The following TTC21B variants were observed in gnomAD, a reference collection of about 807,000 sequenced individuals.
The protein encoded by TTC21B is tetratricopeptide repeat protein 21B.
A neutral mutation model predicts 175.1 loss-of-function variants in TTC21B; 127 were observed. That is an observed-to-expected ratio of 0.73 (90% CI 0.63 to 0.84). The LOEUF (loss-of-function observed/expected upper bound fraction) is 0.84, where lower values mean the gene tolerates loss of function less well. Among genes scored for constraint, TTC21B ranks in the 40% least tolerant of loss-of-function variants. The pLI, the probability that TTC21B is intolerant of heterozygous loss-of-function variation, is 0.00. For synonymous variants in TTC21B, 524 were observed against 524.5 expected (o/e 1.00, Z 0.01); for missense variants, 1,561 against 1,558.3 (o/e 1.00, Z -0.03).
chr2:165,937,302 C>T lies in TTC21B; in HGVS notation c.710+3725G>A, dbSNP rs139533617. 2.0e-3 allele frequency among the ~76,000 whole-genome samples: 308 copies of T among 152,034 alleles called. 1 individual carries two copies. Among genetic ancestry groups the T allele is most frequent in the African/African-American group, 7.2e-3 (301 of 41,534 alleles). ...GTTGGGGAGATGGAGGGATATATAGCGGATACACAATAAAGATAATTTTTA... is the reference window on the plus strand; with the variant it reads ...GTTGGGGAGATGGAGGGATATATAGTGGATACACAATAAAGATAATTTTTA... On this transcript the variant is annotated intron_variant, in intron 6 of 28. Transcript: ENST00000243344.
intron 22 of TTC21B, among the ~76,000 whole-genome samples, chr2:165,898,044 G>A (rs1185322995): frequency 2.0e-5 from 3 of 152,180 alleles, no homozygotes; most frequent in African/African-American, 7.2e-5. Context: ...ATCCTTCACA[G>A]AAAATTTGTT....
intron 6 of TTC21B, among the ~76,000 whole-genome samples, chr2:165,934,261 T>C (rs190488218): frequency 5.9e-4 from 90 of 151,838 alleles, no homozygotes; most frequent in African/African-American, 2.1e-3. Flanking sequence ...ATTTTGTAAA[T>C]TGATTATGAC....
At chr2:165,916,444 ACTTT>A (rs994503088) in intron 14 of TTC21B, among the ~76,000 whole-genome samples, 5 of 152,182 alleles carry the variant, frequency 3.3e-5, no homozygotes, top group South Asian at 4.1e-4. Context: ...TCCCAGAATT[ACTTT>A]CTATCTTATC....
intron 3 of TTC21B, 153 bp downstream of exon 3, chr2:165,949,241 A>G (rs540753628): frequency 1.5e-6 from 1 of 663,172 alleles, no homozygotes; most frequent in East Asian, 2.7e-5. Context: ...TGATGAATTT[A>G]CACCCTTGTC....
intron 7 of TTC21B, 109 bp from the exon 8 acceptor site, chr2:165,931,965 T>G: frequency 2.7e-6 from 2 of 744,158 alleles, no homozygotes; most frequent in Non-Finnish European, 4.7e-6. Context: ...TTAAAAGACC[T>G]TTGCTTTTAT....
At chr2:165,923,945 G>C (rs1686520824) in intron 12 of TTC21B, among the ~76,000 whole-genome samples, 1 of 151,642 alleles carries the variant, frequency 6.6e-6, no homozygotes, top group Non-Finnish European at 1.5e-5. Flanking sequence ...TAGAGATGAG[G>C]TTTCTCCATG....
chr2:165,905,887 T>A (rs903276579), intron 19 of TTC21B, among the ~76,000 whole-genome samples: 7 of 151,918 alleles, frequency 4.6e-5, no homozygotes, highest in African/African-American at 1.7e-4. Flanking sequence ...TAGAAACACA[T>A]TATTTCAAGT....
chr2:165,927,332 A>G (rs1295276688), intron 11 of TTC21B, among the ~76,000 whole-genome samples: 1 of 86,046 alleles, frequency 1.2e-5, no homozygotes, highest in African/African-American at 3.8e-5. Context: ...TATATATATA[A>G]TATATAATAT....
Position 165,906,207 on chromosome 2 carries a change from A to G in TTC21B, c.2568+1471T>C, listed in dbSNP as rs185277779. On this transcript the variant is annotated intron_variant, in intron 19 of 28. Coordinates refer to ENST00000243344, the MANE Select transcript of TTC21B (RefSeq NM_024753.5). Reference sequence around the variant, plus strand: ...TTTACTGCTTCAAATGAATAGGAAAATAACAAAAGCTCGAAATCCATTACC... The same window carrying G: ...TTTACTGCTTCAAATGAATAGGAAAGTAACAAAAGCTCGAAATCCATTACC... Among the ~76,000 whole-genome samples, 3 of 151,448 alleles carry G rather than the reference A, an allele frequency of 2.0e-5. No individual in the cohort carries two copies. The East Asian group carries it at 5.8e-4, about 29-fold the overall frequency.
Position 165,941,446 on chromosome 2 carries a change from G to C in TTC21B, c.553-262C>G, listed in dbSNP as rs138046258. Reference sequence around the variant, plus strand: ...GATAAAATTTTTTAAAATGTTCTCGGAAATACCATAAAATAATGTTTCCAT... The same window carrying C: ...GATAAAATTTTTTAAAATGTTCTCGCAAATACCATAAAATAATGTTTCCAT... On this transcript the variant is annotated intron_variant, in intron 5 of 28. Coordinates refer to ENST00000243344, the MANE Select transcript of TTC21B (RefSeq NM_024753.5). 5.8e-3 allele frequency among the ~76,000 whole-genome samples: 862 copies of C among 149,372 alleles called. 11 individuals are homozygous for C. Among genetic ancestry groups the C allele is most frequent in the African/African-American group, 0.02 (808 of 40,724 alleles).
intron 11 of TTC21B, among the ~76,000 whole-genome samples, chr2:165,927,466 C>CT (rs1393347878): frequency 6.7e-6 from 1 of 148,220 alleles, no homozygotes; most frequent in Non-Finnish European, 1.5e-5. Context: ...CAACCATGCT[C>CT]TATTATTTTC....
At position 165,899,894 on chromosome 2, in the gene TTC21B, G is replaced by C. The variant is rs540745224; in HGVS notation, c.2758-14C>G. The C allele has an allele frequency of 6.6e-7, 1 of 1,511,726 alleles. No individual in the cohort carries two copies. Among genetic ancestry groups the C allele is most frequent in the African/African-American group, 1.4e-5 (1 of 72,880 alleles). The allele number at this position is 1,511,726 out of a possible 1,614,324, so 93.6% of individuals were successfully genotyped here. On this transcript the variant is annotated splice_polypyrimidine_tract_variant and intron_variant, in intron 20 of 28. Transcript: ENST00000243344. ...TTCCAACATAATCTGTAGAGCAAAG[G>C]GCTAGATTCATCAGACACTGTATAG...
Position 165,876,325 on chromosome 2 carries a change from A to C in TTC21B, c.3806-93T>G, listed in dbSNP as rs1684663900. On this transcript the variant is annotated intron_variant, in intron 27 of 28. Transcript: ENST00000243344. ...TCCTCTCTTTGCTTACTCACTAGAG[A>C]ATGGTAAGGGAGGCTGGTGAATGAA... 4.9e-6 allele frequency: 4 copies of C among 824,584 alleles called. No individual in the cohort carries two copies. The East Asian group carries it at 9.8e-5, about 20-fold the overall frequency. The allele number at this position is 824,584 out of a possible 1,614,324, so 51.1% of individuals were successfully genotyped here.
chr2:165,907,204 A>G (rs1685769392), intron 19 of TTC21B, among the ~76,000 whole-genome samples: 1 of 152,148 alleles, frequency 6.6e-6, no homozygotes, highest in South Asian at 2.1e-4. Flanking sequence ...ATAGATGCAG[A>G]TAGTATATTT....
chr2:165,882,594 G>A (rs915421725), intron 26 of TTC21B, among the ~76,000 whole-genome samples: 3 of 152,010 alleles, frequency 2.0e-5, no homozygotes, highest in Non-Finnish European at 4.4e-5. Context: ...AGACAGTCTA[G>A]TGTCGTCTTG....
rs1352001678 is a variant in TTC21B at position 165,883,488 on chromosome 2, T to A, written c.3684+306A>T. ...AATTAATGTTCTTCTGCAATTTTCA[T>A]TAGTTCTGGGATGAGATGGATAATC... On this transcript the variant is annotated intron_variant, in intron 26 of 28. Transcript: ENST00000243344. Among the ~76,000 whole-genome samples, 4 of 152,328 alleles carry A rather than the reference T, an allele frequency of 2.6e-5. No homozygotes were observed. In the East Asian group the frequency reaches 5.8e-4, roughly 22 times the overall value.
At chr2:165,896,247 C>T (rs1002232591) in intron 22 of TTC21B, among the ~76,000 whole-genome samples, 18 of 152,136 alleles carry the variant, frequency 1.2e-4, no homozygotes, top group Admixed American at 7.9e-4. Flanking sequence ...TAGTAACATA[C>T]AGTCATGTAT....
At chr2:165,906,506 T>C (rs1685739309) in intron 19 of TTC21B, among the ~76,000 whole-genome samples, 1 of 152,124 alleles carries the variant, frequency 6.6e-6, no homozygotes, top group African/African-American at 2.4e-5. Flanking sequence ...AACAAGTTTA[T>C]GTTAATAAAT....
At chr2:165,936,630 A>G (rs1361285684) in intron 6 of TTC21B, among the ~76,000 whole-genome samples, 1 of 152,108 alleles carries the variant, frequency 6.6e-6, no homozygotes, top group African/African-American at 2.4e-5. Flanking sequence ...AGATGGGCCA[A>G]AGACCTTAAC....
Sources: gnomAD v4.1 joint callset for allele counts (sites outside exome capture counted in the v4.1 genomes callset) on GRCh38, gnomAD v4.1.1 for gene constraint, MANE v1.5 for transcripts, NCBI Gene and HGNC (gene_info 2026-07-23, HGNC 2026-07-21) for gene names.